MTREX: variants seen among roughly 807,000 people sequenced by gnomAD.
MTREX encodes Mtr4 exosome RNA helicase.
In MTREX, 76 loss-of-function variants were observed where a neutral mutation model predicts 135.4. The ratio of observed to expected loss-of-function variants is 0.56; its 90% confidence interval spans 0.47 to 0.68. The LOEUF (loss-of-function observed/expected upper bound fraction) is 0.68, where lower values mean the gene tolerates loss of function less well. Ranked by LOEUF, MTREX falls within the 30% of genes least tolerant of loss-of-function variation. The pLI, the probability that MTREX is intolerant of heterozygous loss-of-function variation, is 0.00. For missense variants in MTREX, 920 were observed against 1,262.1 expected (o/e 0.73, Z 4.11); for synonymous variants, 404 against 401.6 (o/e 1.01, Z -0.07).
chr5:55,313,330 G>A (rs983519828), intron 1 of MTREX, among the ~76,000 whole-genome samples: 3 of 151,418 alleles, frequency 2.0e-5, no homozygotes, highest in African/African-American at 7.3e-5. Context: ...GTCCCTCCTA[G>A]TCAGGAGGCT....
rs923988494 is a variant in MTREX, at chr5:55,421,978, T to C, written c.2972-900T>C. 3.3e-5 allele frequency among the ~76,000 whole-genome samples: 5 copies of C among 152,346 alleles called. No individual in the cohort carries two copies. In the South Asian group the frequency reaches 1.0e-3, roughly 32 times the overall value. On this transcript the variant is annotated intron_variant, in intron 25 of 26. Transcript: ENST00000230640. The stretch of plus-strand genomic sequence containing the variant: ...TTCCTGTTTCATTGCAAGGCAGTAT[T>C]GGAGCCTGCATTCCTAGCAGCTGAG...
chr5:55,329,421 A>G (rs1019124564), intron 5 of MTREX: 1 of 151,544 alleles, frequency 6.6e-6, no homozygotes, highest in African/African-American at 2.4e-5. Context: ...CAATCGTCCC[A>G]CCTTGGACTC....
At chr5:55,340,235 TGACTATTCAGTTAGAACC>T in intron 6 of MTREX, 51 bp downstream of exon 6, 1 of 1,375,242 alleles carries the variant, frequency 7.3e-7, no homozygotes, top group Admixed American at 2.5e-5. Context: ...TAAATTAATG[TGACTATTCAGTTAGAACC>T]TGGGAAGTTT....
chr5:55,379,504 G>C (rs919489904), intron 18 of MTREX, among the ~76,000 whole-genome samples: 1 of 151,122 alleles, frequency 6.6e-6, no homozygotes, highest in African/African-American at 2.4e-5. Context: ...TATTTTCTGT[G>C]TATCACCTCA....
intron 13 of MTREX, among the ~76,000 whole-genome samples, chr5:55,352,367 GC>G (rs927350904): frequency 6.9e-6 from 1 of 145,420 alleles, no homozygotes; most frequent in African/African-American, 2.5e-5. Flanking sequence ...TGTATATTTT[GC>G]TGAGCCCTAC....
At chr5:55,360,268 A>G (rs1159032943) in intron 15 of MTREX, among the ~76,000 whole-genome samples, 1 of 152,204 alleles carries the variant, frequency 6.6e-6, no homozygotes, top group Non-Finnish European at 1.5e-5. Context: ...ATGTTGTAAC[A>G]TCTATGAGTA....
intron 11 of MTREX, 135 bp downstream of exon 11, chr5:55,347,279 T>C (rs546365538): frequency 2.7e-5 from 22 of 806,510 alleles, no homozygotes; most frequent in South Asian, 2.4e-4. Context: ...CTCAGCACAT[T>C]TGTAAAAGCT....
intron 14 of MTREX, among the ~76,000 whole-genome samples, chr5:55,354,927 C>T (rs1298576564): frequency 2.0e-5 from 3 of 152,184 alleles, no homozygotes; most frequent in African/African-American, 7.2e-5. Flanking sequence ...TCCCTCTAGC[C>T]TGAGACTCAT....
At chr5:55,341,398 A>G (rs1749647643) in intron 6 of MTREX, among the ~76,000 whole-genome samples, 1 of 152,166 alleles carries the variant, frequency 6.6e-6, no homozygotes, top group Non-Finnish European at 1.5e-5. Context: ...TAGGGGTGAT[A>G]ATTCTCTCTG....
chr5:55,417,289 A>G (rs1329057307), intron 25 of MTREX, among the ~76,000 whole-genome samples: 6 of 152,132 alleles, frequency 3.9e-5, no homozygotes, highest in African/African-American at 1.4e-4. Flanking sequence ...GCTCTGTATA[A>G]TTTACATGTA....
intron 5 of MTREX, among the ~76,000 whole-genome samples, chr5:55,330,056 A>G (rs1412109152): frequency 6.6e-6 from 1 of 151,894 alleles, no homozygotes; most frequent in African/African-American, 2.4e-5. Flanking sequence ...TCTGCTGTTA[A>G]TCTCATTGAG....
At chr5:55,418,217 G>C (rs904325977) in intron 25 of MTREX, among the ~76,000 whole-genome samples, 1 of 129,912 alleles carries the variant, frequency 7.7e-6, no homozygotes, top group African/African-American at 2.9e-5. Flanking sequence ...CTGGGTGACA[G>C]AGCGAGACAC....
intron 1 of MTREX, among the ~76,000 whole-genome samples, chr5:55,312,530 C>T (rs1346099013): frequency 6.6e-6 from 1 of 151,910 alleles, no homozygotes; most frequent in African/African-American, 2.4e-5. Flanking sequence ...ACATCCCTGT[C>T]GCCACCTATC....
rs760069938 is a variant in MTREX, at chr5:55,384,964, A to G, written c.2053-3010A>G. The stretch of plus-strand genomic sequence containing the variant: ...CTGTACAATTTAGCCTATATCTCCA[A>G]TGAATACAGATCTACCAGTTGCATT... On this transcript the variant is annotated intron_variant, in intron 18 of 26. Coordinates refer to ENST00000230640, the MANE Select transcript of MTREX (RefSeq NM_015360.5). Among the ~76,000 whole-genome samples, 5 of 152,168 alleles carry G rather than the reference A, an allele frequency of 3.3e-5. No individual in the cohort carries two copies. In the South Asian group the frequency reaches 6.2e-4, roughly 19 times the overall value.
At chr5:55,333,684 A>G (rs923956681) in intron 5 of MTREX, among the ~76,000 whole-genome samples, 3 of 152,174 alleles carry the variant, frequency 2.0e-5, no homozygotes, top group Non-Finnish European at 4.4e-5. Context: ...CAGTCTGGCA[A>G]TTCTTCAAAA....
chr5:55,328,706 C>T lies in MTREX; in HGVS notation c.410C>T (p.Pro137Leu), dbSNP rs959316457. 1.7e-5 allele frequency: 28 copies of T among 1,606,362 alleles called. No homozygotes were observed. The highest frequency in any genetic ancestry group is 1.7e-4 in the Admixed American group (10 of 59,858). Residue 137 changes from proline (P) to leucine (L), a missense_variant, in exon 5 of 27, where the codon CCG (proline) becomes CTG (leucine). Coordinates refer to ENST00000230640, the MANE Select transcript of MTREX (RefSeq NM_015360.5). ...AATGTTTTGTTTTTATAGGAATACC[C>T]GTTCATTCTTGATGCTTTTCAAAGA... ...PRVGKAAKEYPFILDAFQREA... is the reference protein window; with the variant it reads ...PRVGKAAKEYLFILDAFQREA...
chr5:55,314,720 C>G (rs1323242809), intron 1 of MTREX, among the ~76,000 whole-genome samples: 2 of 152,216 alleles, frequency 1.3e-5, no homozygotes, highest in Non-Finnish European at 2.9e-5. Flanking sequence ...TTAAGCCAAC[C>G]ATCGCCAACC....
At chr5:55,398,247 A>G (rs1185645311) in intron 20 of MTREX, among the ~76,000 whole-genome samples, 3 of 140,144 alleles carry the variant, frequency 2.1e-5, no homozygotes, top group Admixed American at 7.5e-5. Flanking sequence ...CTCTTTTAAG[A>G]AAAAAAAAAA....
At chr5:55,404,797 CTTT>C in intron 21 of MTREX, among the ~76,000 whole-genome samples, 1 of 131,962 alleles carries the variant, frequency 7.6e-6, no homozygotes. Context: ...GCTCTGTTCT[CTTT>C]TTTTTTTTTC....
Sources: allele counts gnomAD v4.1 joint callset (sites outside exome capture counted in the v4.1 genomes callset), GRCh38; gene constraint gnomAD v4.1.1; transcripts MANE v1.5; gene names NCBI Gene and HGNC (gene_info 2026-07-23, HGNC 2026-07-21).